The following SGCD variants were observed in gnomAD, a reference collection of about 807,000 sequenced individuals.
SGCD encodes the protein sarcoglycan delta.
SGCD carries 18 observed loss-of-function variants against 36.6 expected under a neutral mutation model. The observed-to-expected ratio is 0.49, with a 90% CI of 0.34 to 0.73. The LOEUF is 0.73. Ranked by LOEUF, SGCD falls within the 30% of genes least tolerant of loss-of-function variation. The probability of loss-of-function intolerance (pLI) is 0.01; values close to 1 mark genes in which losing one functional copy is unlikely to be tolerated. For synonymous variants in SGCD, 133 were observed against 130.6 expected (o/e 1.02, Z -0.12); for missense variants, 387 against 346.7 (o/e 1.12, Z -0.92).
At chr5:156,449,695 A>G (rs1753916151) in intron 3 of SGCD, among the ~76,000 whole-genome samples, 5 of 148,352 alleles carry the variant, frequency 3.4e-5, no homozygotes, top group Admixed American at 2.0e-4. Context: ...AAAAAAAAAA[A>G]AAAAAAATCA....
intron 7 of SGCD, among the ~76,000 whole-genome samples, chr5:156,735,008 C>G (rs763430398): frequency 6.6e-6 from 1 of 152,092 alleles, no homozygotes; most frequent in South Asian, 2.1e-4. Context: ...GGTTGCTGAC[C>G]TCTGGATGGT....
intron 3 of SGCD, among the ~76,000 whole-genome samples, chr5:156,488,124 T>TTTTTTA (rs1429861317): frequency 3.8e-5 from 5 of 130,594 alleles, no homozygotes; most frequent in African/African-American, 1.4e-4. Context: ...TTTTTTTTTT[T>TTTTTTA]AAATAACCCA....
chr5:156,631,280 C>G (rs113336086), intron 6 of SGCD, among the ~76,000 whole-genome samples: 66 of 152,076 alleles, frequency 4.3e-4, no homozygotes, highest in African/African-American at 1.5e-3. Context: ...GATTTACAGC[C>G]TGGGATGAAA....
intron 3 of SGCD, among the ~76,000 whole-genome samples, chr5:156,203,030 A>T (rs11748101): frequency 0.31 from 46,912 of 151,928 alleles, 7,720 homozygotes; most frequent in East Asian, 0.6. Context: ...ACTCTGTCAG[A>T]TTTGAAAGGA....
At chr5:156,752,876 G>A (rs573970004) in intron 7 of SGCD, among the ~76,000 whole-genome samples, 4 of 152,196 alleles carry the variant, frequency 2.6e-5, no homozygotes, top group Admixed American at 1.3e-4. Context: ...CATCTCCATC[G>A]CCTCATTCAC....
At chr5:156,712,683 C>A (rs577878527) in intron 7 of SGCD, among the ~76,000 whole-genome samples, 1 of 152,298 alleles carries the variant, frequency 6.6e-6, no homozygotes, top group Admixed American at 6.5e-5. Context: ...CTCCCCAGTT[C>A]ACGCAGCGGA....
At chr5:155,801,785 C>T in the SGCD span, among the ~76,000 whole-genome samples, 1 of 152,312 alleles carries the variant, frequency 6.6e-6, no homozygotes, top group Non-Finnish European at 1.5e-5. Context: ...AGAAAGAATT[C>T]TAGAGATTGA....
At chr5:156,143,774 A>C (rs899761231) in intron 3 of SGCD, among the ~76,000 whole-genome samples, 2 of 151,782 alleles carry the variant, frequency 1.3e-5, no homozygotes, top group African/African-American at 4.8e-5. Context: ...TTTAGGGTAC[A>C]TGTGTACAAT....
chr5:156,686,168 T>C (rs1581397543), intron 7 of SGCD, among the ~76,000 whole-genome samples: 2 of 152,320 alleles, frequency 1.3e-5, no homozygotes, highest in East Asian at 1.9e-4. Context: ...GTAGGTTCTG[T>C]TTTTATCCCC....
chr5:156,195,614 T>G (rs1184684406), intron 3 of SGCD, among the ~76,000 whole-genome samples: 1 of 152,176 alleles, frequency 6.6e-6, no homozygotes, highest in East Asian at 1.9e-4. Context: ...TTGATTTTTT[T>G]CTATGCGTAT....
At chr5:155,887,785 C>T (rs896264266) in intron 1 of SGCD, among the ~76,000 whole-genome samples, 3 of 152,028 alleles carry the variant, frequency 2.0e-5, no homozygotes, top group African/African-American at 7.3e-5. Context: ...TTTCCTATTC[C>T]CTTCTCTCCA....
chr5:156,290,993 A>G (rs1766743367), intron 3 of SGCD, among the ~76,000 whole-genome samples: 1 of 152,108 alleles, frequency 6.6e-6, no homozygotes, highest in Non-Finnish European at 1.5e-5. Context: ...CCCTGTGGAT[A>G]ACATAATCTG....
chr5:156,511,829 A>G (rs992341434), intron 4 of SGCD, among the ~76,000 whole-genome samples: 1 of 152,204 alleles, frequency 6.6e-6, no homozygotes, highest in Non-Finnish European at 1.5e-5. Flanking sequence ...GATGTTTGAG[A>G]AACTGAACCA....
intron 3 of SGCD, among the ~76,000 whole-genome samples, chr5:156,186,918 G>C (rs892734337): frequency 1.3e-5 from 2 of 152,144 alleles, no homozygotes; most frequent in Admixed American, 1.3e-4. Context: ...CTTTACTCAT[G>C]AGTAATATTT....
intron 4 of SGCD, among the ~76,000 whole-genome samples, chr5:156,519,064 G>T (rs1193553923): frequency 1.3e-5 from 2 of 151,392 alleles, no homozygotes; most frequent in Non-Finnish European, 2.9e-5. Flanking sequence ...CTAGGAGCTG[G>T]TTTTTTGAAA....
chr5:155,881,528 G>C (rs903922702), intron 1 of SGCD, among the ~76,000 whole-genome samples: 3 of 152,156 alleles, frequency 2.0e-5, no homozygotes, highest in African/African-American at 7.2e-5. Flanking sequence ...CTTTATGCTG[G>C]CAGAGGGCCT....
chr5:156,208,779 A>G (rs1764357990), intron 3 of SGCD, among the ~76,000 whole-genome samples: 1 of 152,222 alleles, frequency 6.6e-6, no homozygotes. Flanking sequence ...CTAGTTGGTC[A>G]TCATCAACAT....
At chr5:155,957,943 G>A (rs1561663069) in intron 1 of SGCD, among the ~76,000 whole-genome samples, 2 of 152,116 alleles carry the variant, frequency 1.3e-5, no homozygotes, top group African/African-American at 2.4e-5. Context: ...AGAGTTGTAG[G>A]TAGGTAGTCC....
chr5:156,220,265 T>C (rs1561571175), intron 3 of SGCD, among the ~76,000 whole-genome samples: 2 of 152,196 alleles, frequency 1.3e-5, no homozygotes, highest in Non-Finnish European at 2.9e-5. Context: ...CCTCAGATTT[T>C]CAATTTACAC....
Sources: allele counts gnomAD v4.1 joint callset (sites outside exome capture counted in the v4.1 genomes callset), GRCh38; gene constraint gnomAD v4.1.1; transcripts MANE v1.5; gene names NCBI Gene and HGNC (gene_info 2026-07-23, HGNC 2026-07-21).